Variants in CADM2 observed in about 807,000 individuals in gnomAD.
The protein encoded by CADM2 is cell adhesion molecule 2.
A neutral mutation model predicts 49.8 loss-of-function variants in CADM2; 12 were observed. That is an observed-to-expected ratio of 0.24 (90% CI 0.15 to 0.39). The LOEUF is 0.39. Ranked by LOEUF, CADM2 falls within the 10% of genes least tolerant of loss-of-function variation. CADM2 has a pLI of 1.00. For missense variants in CADM2, 378 were observed against 492.3 expected, an observed-to-expected ratio of 0.77 and a Z score of 2.20; for synonymous variants, 214 against 175.4, an observed-to-expected ratio of 1.22 and a Z score of -1.74.
Position 86,074,106 on chromosome 3 carries a change from C to CA in CADM2, c.*7328dup, listed in dbSNP as rs1027027714. The stretch of plus-strand genomic sequence containing the variant: ...TACTAATGTTGAGTAGGAACAGAAG[C>CA]AAAAATACCTAAACCTATTTTTTTT... On this transcript the variant is annotated 3_prime_UTR_variant, in exon 10 of 10. Coordinates refer to ENST00000383699, the MANE Select transcript of CADM2 (RefSeq NM_001167675.2). 2 of 151,856 alleles carry CA rather than the reference C, an allele frequency of 1.3e-5. No individual in the cohort carries two copies. The highest frequency in any genetic ancestry group is 2.4e-5 in the African/African-American group (1 of 41,398). The allele number at this position is 151,856 out of a possible 1,614,324, so 9.4% of individuals were successfully genotyped here.
At chr3:85,721,511 G>A (rs1326961728) in intron 1 of CADM2, among the ~76,000 whole-genome samples, 2 of 152,086 alleles carry the variant, frequency 1.3e-5, no homozygotes, top group East Asian at 3.9e-4. Flanking sequence ...AATGGTGAGG[G>A]GTGTATGTGT....
At chr3:85,921,480 T>C (rs1390414892) in intron 6 of CADM2, among the ~76,000 whole-genome samples, 1 of 152,052 alleles carries the variant, frequency 6.6e-6, no homozygotes, top group Admixed American at 6.6e-5. Context: ...CTGGTGTTTT[T>C]TTAAATAATA....
intron 8 of CADM2, among the ~76,000 whole-genome samples, chr3:85,997,828 G>C (rs1729619437): frequency 6.6e-6 from 1 of 152,154 alleles, no homozygotes; most frequent in Non-Finnish European, 1.5e-5. Context: ...CAGAACTTTG[G>C]AAGAGTCACC....
intron 8 of CADM2, among the ~76,000 whole-genome samples, chr3:86,056,178 A>T (rs1025025374): frequency 2.6e-5 from 4 of 152,176 alleles, no homozygotes; most frequent in African/African-American, 9.6e-5. Flanking sequence ...TCAGTGGGAA[A>T]GGAGGTGAAG....
chr3:85,748,314 A>G (rs1314579354), intron 2 of CADM2, among the ~76,000 whole-genome samples: 1 of 151,796 alleles, frequency 6.6e-6, no homozygotes, highest in African/African-American at 2.4e-5. Context: ...AATCAACTTT[A>G]TCTTATTTAT....
At chr3:86,006,097 A>G (rs1730758642) in intron 8 of CADM2, among the ~76,000 whole-genome samples, 1 of 152,160 alleles carries the variant, frequency 6.6e-6, no homozygotes, top group Admixed American at 6.5e-5. Flanking sequence ...TATGTACCAC[A>G]TTTTTTAATC....
At chr3:85,654,729 C>T (rs574673845) in intron 1 of CADM2, among the ~76,000 whole-genome samples, 1 of 152,228 alleles carries the variant, frequency 6.6e-6, no homozygotes, top group African/African-American at 2.4e-5. Flanking sequence ...TATTTTTTGT[C>T]ACTCCCGTGA....
intron 1 of CADM2, among the ~76,000 whole-genome samples, chr3:85,250,573 T>C (rs182375069): frequency 7.2e-4 from 109 of 151,738 alleles, no homozygotes; most frequent in African/African-American, 2.6e-3. Flanking sequence ...TAACTCAAAT[T>C]TTATATAGTC....
intron 1 of CADM2, among the ~76,000 whole-genome samples, chr3:85,246,285 A>G (rs1027859557): frequency 2.6e-5 from 4 of 151,868 alleles, no homozygotes; most frequent in African/African-American, 9.7e-5. Context: ...ATCACACACC[A>G]GGGCCTGTTG....
rs74510661 is a variant in CADM2 at position 85,911,569 on chromosome 3, A to C, written c.530-804A>C. Among the ~76,000 whole-genome samples the C allele has an allele frequency of 2.5e-4, 38 of 152,332 alleles. 2 individuals carry two copies. The East Asian group carries it at 7.3e-3, about 29-fold the overall frequency. On this transcript the variant is annotated intron_variant, in intron 5 of 9. Coordinates refer to ENST00000383699, the MANE Select transcript of CADM2 (RefSeq NM_001167675.2). Reference sequence around the variant, plus strand: ...TGTGCTCCTTTTCTTTCCAAAGATGACAACTTTCTCATCCTAAGTATCCTT... The same window carrying C: ...TGTGCTCCTTTTCTTTCCAAAGATGCCAACTTTCTCATCCTAAGTATCCTT...
At chr3:85,621,573 C>T (rs1051156862) in intron 1 of CADM2, among the ~76,000 whole-genome samples, 1 of 151,976 alleles carries the variant, frequency 6.6e-6, no homozygotes, top group African/African-American at 2.4e-5. Flanking sequence ...TAGTTCAATG[C>T]GATTACTCTG....
chr3:85,764,135 T>A (rs916820244), intron 2 of CADM2, among the ~76,000 whole-genome samples: 41 of 152,246 alleles, frequency 2.7e-4, no homozygotes, highest in African/African-American at 9.9e-4. Flanking sequence ...AAATTCAGTA[T>A]CAAGTTTATA....
At chr3:85,447,020 A>G (rs2037498088) in intron 1 of CADM2, among the ~76,000 whole-genome samples, 2 of 138,184 alleles carry the variant, frequency 1.4e-5, no homozygotes, top group South Asian at 4.5e-4. Context: ...ATATATATAT[A>G]TATATATATA....
intron 8 of CADM2, among the ~76,000 whole-genome samples, chr3:86,023,234 CAAGT>C (rs1285022882): frequency 6.6e-6 from 1 of 152,184 alleles, no homozygotes; most frequent in African/African-American, 2.4e-5. Flanking sequence ...AAATGTAACA[CAAGT>C]AAGTTTGTAC....
chr3:84,959,254 C>A lies in CADM2; in HGVS notation c.-354C>A. On this transcript the variant is annotated 5_prime_UTR_variant, in exon 1 of 10. Transcript: ENST00000383699. Reference sequence around the variant, plus strand: ...GCCCGCACCTTCTCCAACACCCCGGCATCCCTGCACCACCTGCTCGGGCAG... The same window carrying A: ...GCCCGCACCTTCTCCAACACCCCGGAATCCCTGCACCACCTGCTCGGGCAG... The A allele has an allele frequency of 2.4e-6, 1 of 411,032 alleles. No individual in the cohort carries two copies. The highest frequency in any genetic ancestry group is 5.4e-5 in the East Asian group (1 of 18,648). The allele number at this position is 411,032 out of a possible 1,614,324, so 25.5% of individuals were successfully genotyped here.
intron 2 of CADM2, among the ~76,000 whole-genome samples, chr3:85,779,844 T>C (rs959078585): frequency 6.6e-6 from 1 of 152,180 alleles, no homozygotes; most frequent in African/African-American, 2.4e-5. Flanking sequence ...TTTTTATTTG[T>C]TTATGTTTTT....
intron 1 of CADM2, among the ~76,000 whole-genome samples, chr3:85,063,560 T>A (rs1297048722): frequency 2.2e-4 from 34 of 151,974 alleles, no homozygotes; most frequent in Non-Finnish European, 5.0e-4. Flanking sequence ...ACTTATAAAA[T>A]TTGAATTGTG....
At chr3:85,294,014 C>A (rs931684001) in intron 1 of CADM2, among the ~76,000 whole-genome samples, 5 of 151,744 alleles carry the variant, frequency 3.3e-5, no homozygotes, top group Non-Finnish European at 7.4e-5. Flanking sequence ...TGTTTGCAGA[C>A]GACATGATTG....
intron 1 of CADM2, among the ~76,000 whole-genome samples, chr3:85,272,911 A>T (rs536542402): frequency 6.6e-6 from 1 of 151,300 alleles, no homozygotes; most frequent in African/African-American, 2.4e-5. Context: ...AACAACAACA[A>T]CAACAAATAC....
Sources: allele counts gnomAD v4.1 joint callset (sites outside exome capture counted in the v4.1 genomes callset), GRCh38; gene constraint gnomAD v4.1.1; transcripts MANE v1.5; gene names NCBI Gene and HGNC (gene_info 2026-07-23, HGNC 2026-07-21).